AHCYL2: variants seen among roughly 807,000 people sequenced by gnomAD.
AHCYL2 encodes the protein S-adenosylhomocysteine hydrolase-like protein 2.
AHCYL2 carries 28 observed loss-of-function variants against 81.4 expected under a neutral mutation model. The ratio of observed to expected loss-of-function variants is 0.34; its 90% CI spans 0.25 to 0.47. AHCYL2 has a LOEUF of 0.47. AHCYL2 is among the 20% of genes least tolerant of loss of function. The pLI, the probability that AHCYL2 is intolerant of heterozygous loss-of-function variation, is 1.00. For missense variants in AHCYL2, 551 were observed against 785.1 expected (o/e 0.70, Z 3.56); for synonymous variants, 272 against 290.2 (o/e 0.94, Z 0.64).
chr7:129,424,973 C>A, intron 14 of AHCYL2, 31 bp downstream of exon 14: 1 of 1,613,906 alleles, frequency 6.2e-7, no homozygotes, highest in Non-Finnish European at 8.5e-7. Flanking sequence ...TAGCAGTAGT[C>A]TGGAGAAGGT....
chr7:129,364,037 A>G (rs1335450386), intron 1 of AHCYL2, among the ~76,000 whole-genome samples: 1 of 151,898 alleles, frequency 6.6e-6, no homozygotes, highest in African/African-American at 2.4e-5. Flanking sequence ...TGGGAGTTCA[A>G]GACAAGCCTG....
chr7:129,365,875 G>A (rs1038662455), intron 1 of AHCYL2, among the ~76,000 whole-genome samples: 1 of 151,844 alleles, frequency 6.6e-6, no homozygotes, highest in Non-Finnish European at 1.5e-5. Context: ...GGAGAAGAAA[G>A]TGTTGTTTGG....
intron 1 of AHCYL2, among the ~76,000 whole-genome samples, chr7:129,292,899 G>A (rs1321367906): frequency 6.6e-6 from 1 of 152,154 alleles, no homozygotes; most frequent in Non-Finnish European, 1.5e-5. Context: ...ACTGAGAAAC[G>A]TTACTCTTAA....
At chr7:129,266,867 T>C (rs1795827219) in intron 1 of AHCYL2, among the ~76,000 whole-genome samples, 1 of 152,194 alleles carries the variant, frequency 6.6e-6, no homozygotes, top group South Asian at 2.1e-4. Flanking sequence ...TTAGATGATT[T>C]TGTATGACTA....
At chr7:129,230,896 G>T (rs561430862) in intron 1 of AHCYL2, among the ~76,000 whole-genome samples, 5 of 152,176 alleles carry the variant, frequency 3.3e-5, no homozygotes, top group African/African-American at 1.2e-4. Context: ...TGTTTTTTGG[G>T]TAGTTTTTTT....
In AHCYL2 at chr7:129,366,724, C is replaced by T. The variant is rs1197137073; in HGVS notation, c.364-12914C>T. ...CTGGGAGGCAGAGGTTGCGGTGAGC[C>T]GAGATCACGCCATTGCACTCCAGCC... On this transcript the variant is annotated intron_variant, in intron 1 of 16. Transcript: ENST00000325006. Among the ~76,000 whole-genome samples, 16 of 149,434 alleles carry T rather than the reference C, an allele frequency of 1.1e-4. No individual in the cohort carries two copies. The East Asian group carries it at 1.4e-3, about 13-fold the overall frequency.
Position 129,419,671 on chromosome 7 carries a change from C to G in AHCYL2, c.1462-3169C>G, listed in dbSNP as rs566265565. ...ATAGGCTTTAAACATTTTTTCCAGCCGAAGAACGATTTAACCTGAGACTTT... is the reference window on the plus strand; with the variant it reads ...ATAGGCTTTAAACATTTTTTCCAGCGGAAGAACGATTTAACCTGAGACTTT... On this transcript the variant is annotated intron_variant, in intron 12 of 16. Coordinates refer to ENST00000325006, the MANE Select transcript of AHCYL2 (RefSeq NM_015328.4). This position sits in a 1 kb window ranked among gnomAD's most constrained non-coding sequence, Gnocchi z 4.7. 6.6e-6 allele frequency among the ~76,000 whole-genome samples: 1 copy of G among 150,684 alleles called. No individual in the cohort carries two copies. Among genetic ancestry groups the G allele is most frequent in the African/African-American group, 2.4e-5 (1 of 40,834 alleles).
intron 13 of AHCYL2, among the ~76,000 whole-genome samples, chr7:129,424,308 G>A (rs549241674): frequency 6.6e-6 from 1 of 152,062 alleles, no homozygotes; most frequent in South Asian, 2.1e-4. Flanking sequence ...GCTGAGGCAG[G>A]AGAATCACTT....
At position 129,225,395 on chromosome 7, in the gene AHCYL2, A is replaced by T; in HGVS notation, c.319A>T (p.Ser107Cys). The change falls in exon 1 of 17, where the codon AGC becomes TGC. Residue 107 changes from serine (S) to cysteine (C), a missense_variant. By Grantham distance (112) the Ser-to-Cys change is moderately radical. Coordinates refer to ENST00000325006, the MANE Select transcript of AHCYL2 (RefSeq NM_015328.4). ...RHRDGGEALV[S>C]PDGTVTEAPR... ...CCGCGACGGCGGCGAGGCCCTGGTC[A>T]GCCCCGACGGCACCGTCACCGAGGC... 1 of 1,516,920 alleles carries T rather than the reference A, an allele frequency of 6.6e-7. No homozygotes were observed. The allele number at this position is 1,516,920 out of a possible 1,614,324, so 94.0% of individuals were successfully genotyped here. A position where few individuals can be genotyped will look rare whatever the true frequency, so the allele number is the denominator to read the frequency against.
At chr7:129,336,170 C>T (rs1286741682) in intron 1 of AHCYL2, among the ~76,000 whole-genome samples, 9 of 146,080 alleles carry the variant, frequency 6.2e-5, no homozygotes, top group South Asian at 2.2e-4. Context: ...CAGGTTCAAA[C>T]GATTCTCCTG....
chr7:129,253,575 G>A (rs1006319278), intron 1 of AHCYL2, among the ~76,000 whole-genome samples: 1 of 152,188 alleles, frequency 6.6e-6, no homozygotes, highest in Non-Finnish European at 1.5e-5. Flanking sequence ...TTCTCTGTCT[G>A]TAAATATAAT....
intron 1 of AHCYL2, among the ~76,000 whole-genome samples, chr7:129,283,575 A>G (rs1394272492): frequency 1.3e-5 from 2 of 152,192 alleles, no homozygotes; most frequent in Admixed American, 1.3e-4. Context: ...GAAATTTTCT[A>G]GACTTTAAAA....
chr7:129,267,231 G>GTGTGTGTGTGTGTA (rs574971115), intron 1 of AHCYL2, among the ~76,000 whole-genome samples: 37,038 of 74,060 alleles, frequency 0.5, 5,075 homozygotes, highest in Non-Finnish European at 0.53. Context: ...CACTCAAGGG[G>GTGTGTGTGTGTGTA]TGTGTGTGTG....
intron 4 of AHCYL2, among the ~76,000 whole-genome samples, chr7:129,396,508 G>A (rs895667706): frequency 4.6e-5 from 7 of 151,328 alleles, no homozygotes; most frequent in Admixed American, 2.0e-4. Context: ...TGCAATCTTC[G>A]CCTCACCGTT....
chr7:129,383,867 A>G (rs1428458451), intron 2 of AHCYL2, among the ~76,000 whole-genome samples: 2 of 152,180 alleles, frequency 1.3e-5, no homozygotes, highest in Non-Finnish European at 2.9e-5. Context: ...TTCTTCACCA[A>G]AAATTATCAA....
intron 1 of AHCYL2, among the ~76,000 whole-genome samples, chr7:129,340,170 C>A (rs1408221927): frequency 1.4e-5 from 2 of 147,570 alleles, no homozygotes; most frequent in East Asian, 2.1e-4. Flanking sequence ...GATCCGCCCG[C>A]CTTGGCCTCC....
At chr7:129,334,289 T>A (rs1798518757) in intron 1 of AHCYL2, among the ~76,000 whole-genome samples, 2 of 152,318 alleles carry the variant, frequency 1.3e-5, no homozygotes, top group African/African-American at 4.8e-5. Flanking sequence ...ACTTCAAAGT[T>A]ATGCTACCTT....
Position 129,427,777 on chromosome 7 carries a change from T to C in AHCYL2, c.*732T>C, listed in dbSNP as rs894751408. On this transcript the variant is annotated 3_prime_UTR_variant, in exon 17 of 17. Transcript: ENST00000325006. This position sits in a 1 kb window ranked among gnomAD's most constrained non-coding sequence, Gnocchi z 5.5. Reference sequence around the variant, plus strand: ...TCAGACATTTGTTCTGCTGTCTTTCTAATCCAGCCAACGTCTGCTCAGGAA... The same window carrying C: ...TCAGACATTTGTTCTGCTGTCTTTCCAATCCAGCCAACGTCTGCTCAGGAA... 2.0e-5 allele frequency: 3 copies of C among 152,656 alleles called. No individual in the cohort carries two copies. Among genetic ancestry groups the C allele is most frequent in the Non-Finnish European group, 2.9e-5 (2 of 68,042 alleles). 9.5% of individuals were successfully genotyped at this position (152,656 alleles called of 1,614,324 possible). A position where few individuals can be genotyped will look rare whatever the true frequency, so the allele number is the denominator to read the frequency against.
chr7:129,312,176 T>C (rs1365019701), intron 1 of AHCYL2, among the ~76,000 whole-genome samples: 1 of 151,900 alleles, frequency 6.6e-6, no homozygotes, highest in Non-Finnish European at 1.5e-5. Flanking sequence ...TCTCTACCTG[T>C]TGGGCTTAAG....
Sources: allele counts gnomAD v4.1 joint callset (sites outside exome capture counted in the v4.1 genomes callset), GRCh38; gene constraint gnomAD v4.1.1; non-coding constraint Gnocchi (gnomAD v3.1); transcripts MANE v1.5; gene names NCBI Gene and HGNC (gene_info 2026-07-23, HGNC 2026-07-21).